The following FRMPD4 variants were observed in gnomAD, a reference collection of about 807,000 sequenced individuals.
The protein encoded by FRMPD4 is FERM and PDZ domain containing 4, also known as FERM and PDZ domain-containing protein 4.
In FRMPD4, 22 loss-of-function variants were observed where a neutral mutation model predicts 94.1. That is an observed-to-expected ratio of 0.23 (90% CI 0.17 to 0.33). The LOEUF (loss-of-function observed/expected upper bound fraction) is 0.33. Ranked by LOEUF, FRMPD4 falls within the 10% of genes least tolerant of loss-of-function variation. The probability of loss-of-function intolerance (pLI) is 1.00; values close to 1 mark genes in which losing one functional copy is unlikely to be tolerated. For synonymous variants in FRMPD4, 631 were observed against 548.6 expected (o/e 1.15, Z -2.10); for missense variants, 1,111 against 1,339.9 (o/e 0.83, Z 2.67).
At chrX:12,505,805 C>G (rs1412559738) in intron 2 of FRMPD4, among the ~76,000 whole-genome samples, 1 of 108,982 alleles carries the variant, frequency 9.2e-6, no homozygotes, top group Non-Finnish European at 1.9e-5. Context: ...ATACTGTGGT[C>G]CACCAAAAGG....
At chrX:12,116,133 C>A (rs1301780968) in intron 3 of FRMPD4, among the ~76,000 whole-genome samples, 2 of 112,063 alleles carry the variant, frequency 1.8e-5, no homozygotes, top group African/African-American at 6.5e-5. Context: ...ATCTATTTAT[C>A]AGAACATTCC....
intron 1 of FRMPD4, among the ~76,000 whole-genome samples, chrX:12,322,221 A>G (rs755134051): frequency 3.6e-5 from 4 of 111,901 alleles, no homozygotes; most frequent in African/African-American, 9.7e-5. Context: ...ACCCAGGACT[A>G]TACTATCTCT....
chrX:11,845,921 T>A (rs1464880307), intron 1 of FRMPD4, among the ~76,000 whole-genome samples: 2 of 107,097 alleles, frequency 1.9e-5, no homozygotes, highest in Non-Finnish European at 3.9e-5. Context: ...ACAGCCAATA[T>A]CATACTGAAT....
At chrX:12,539,880 C>T (rs1334698779) in intron 2 of FRMPD4, among the ~76,000 whole-genome samples, 1 of 112,000 alleles carries the variant, frequency 8.9e-6, no homozygotes, top group African/African-American at 3.2e-5. Context: ...GTGATCCACC[C>T]GCCTCAGCCT....
At chrX:12,301,458 C>T (rs1455638034) in intron 1 of FRMPD4, among the ~76,000 whole-genome samples, 2 of 111,407 alleles carry the variant, frequency 1.8e-5, no homozygotes, top group African/African-American at 6.5e-5. Context: ...TGCTCTGCTC[C>T]TTGTCTCACA....
intron 3 of FRMPD4, among the ~76,000 whole-genome samples, chrX:11,941,889 G>T (rs2054161960): frequency 8.9e-6 from 1 of 111,916 alleles, no homozygotes; most frequent in African/African-American, 3.3e-5. Flanking sequence ...TGTTTGTGAG[G>T]CTAATAGGAG....
At chrX:12,674,209 C>A (rs1263642820) in intron 4 of FRMPD4, among the ~76,000 whole-genome samples, 1 of 111,880 alleles carries the variant, frequency 8.9e-6, no homozygotes, top group Non-Finnish European at 1.9e-5. Flanking sequence ...CCATGAAGTG[C>A]GGCCTATTGT....
At chrX:11,847,799 G>A (rs1162728360) in intron 1 of FRMPD4, among the ~76,000 whole-genome samples, 86 of 98,184 alleles carry the variant, frequency 8.8e-4, no homozygotes, top group Non-Finnish European at 1.5e-3. Context: ...ACCAAACACC[G>A]CATGTTCTCA....
At chrX:12,152,574 G>GA (rs1457903366) in intron 1 of FRMPD4, among the ~76,000 whole-genome samples, 6 of 111,087 alleles carry the variant, frequency 5.4e-5, no homozygotes, top group Non-Finnish European at 1.1e-4. Context: ...CAACCCCGGA[G>GA]AAAATATAAA....
At chrX:12,311,966 G>A (rs900208183) in intron 1 of FRMPD4, among the ~76,000 whole-genome samples, 1 of 110,545 alleles carries the variant, frequency 9.0e-6, no homozygotes, top group Non-Finnish European at 1.9e-5. Flanking sequence ...CAGATCTTAC[G>A]TCTTCAAGTA....
rs951645653 is a variant in FRMPD4, at chrX:12,130,740, C to T, written c.95+252722C>T. ...GCAATTTATCCATCAAGCAGAAGTG[C>T]TGTTATTCAACGTGATTTGATTAGT... is the stretch of plus-strand genomic sequence containing the variant. On this transcript the variant is annotated intron_variant, in intron 3 of 18. Coordinates refer to the FRMPD4 transcript ENST00000640291. 5.1e-4 allele frequency among the ~76,000 whole-genome samples: 56 copies of T among 110,609 alleles called. 1 individual carries two copies. The highest frequency in any genetic ancestry group is 1.8e-3 in the African/African-American group (54 of 30,458).
intron 3 of FRMPD4, among the ~76,000 whole-genome samples, chrX:12,121,582 A>T (rs919634806): frequency 4.5e-5 from 5 of 111,576 alleles, no homozygotes; most frequent in Non-Finnish European, 3.8e-5. Flanking sequence ...GCATATTGTA[A>T]CTTTCCCTGA....
At chrX:11,941,456 A>G (rs2054159620) in intron 3 of FRMPD4, among the ~76,000 whole-genome samples, 1 of 111,842 alleles carries the variant, frequency 8.9e-6, no homozygotes, top group Admixed American at 9.5e-5. Flanking sequence ...TAAAATACAG[A>G]AGCATTCTAC....
chrX:12,162,636 G>A lies in FRMPD4; in HGVS notation c.41+23624G>A, dbSNP rs769621588. On this transcript the variant is annotated intron_variant, in intron 1 of 16. Transcript: ENST00000675598. ...GCCAGGGAGTGTTAGTTTATGTAGC[G>A]GTGAGTCACAGTGGTGATAACATAT... Among the ~76,000 whole-genome samples the A allele has an allele frequency of 5.4e-5, 6 of 111,728 alleles. No individual in the cohort carries two copies. The South Asian group carries it at 1.1e-3, about 21-fold the overall frequency.
At chrX:12,667,211 AGATT>A (rs774139930) in intron 4 of FRMPD4, among the ~76,000 whole-genome samples, 59 of 112,879 alleles carry the variant, frequency 5.2e-4, no homozygotes, top group African/African-American at 1.3e-3. Flanking sequence ...CACCCTTCAC[AGATT>A]GATTATTTAC....
intron 1 of FRMPD4, among the ~76,000 whole-genome samples, chrX:12,254,186 T>C (rs1330495096): frequency 2.7e-5 from 3 of 111,730 alleles, no homozygotes; most frequent in African/African-American, 9.8e-5. Context: ...TTAGAATTTA[T>C]AGGATTTGTT....
At chrX:11,876,448 C>T (rs1194943952) in intron 2 of FRMPD4, among the ~76,000 whole-genome samples, 1 of 110,303 alleles carries the variant, frequency 9.1e-6, no homozygotes, top group Non-Finnish European at 1.9e-5. Flanking sequence ...TTTATGTCCT[C>T]ATTATCTCTG....
chrX:12,411,426 T>G (rs892124766), intron 1 of FRMPD4, among the ~76,000 whole-genome samples: 1 of 112,333 alleles, frequency 8.9e-6, no homozygotes, highest in Non-Finnish European at 1.9e-5. Flanking sequence ...ATTTCAATAT[T>G]GAATCATGAT....
At chrX:12,010,358 A>T (rs927672469) in intron 3 of FRMPD4, among the ~76,000 whole-genome samples, 2 of 112,341 alleles carry the variant, frequency 1.8e-5, no homozygotes, top group African/African-American at 3.2e-5. Context: ...TTCTCTTAAA[A>T]TACTTATGAT....
Sources: gnomAD v4.1 joint callset for allele counts (sites outside exome capture counted in the v4.1 genomes callset) on GRCh38, gnomAD v4.1.1 for gene constraint, MANE v1.5 for transcripts, NCBI Gene and HGNC (gene_info 2026-07-23, HGNC 2026-07-21) for gene names.